The following ST6GALNAC3 variants were observed in gnomAD, a reference collection of about 807,000 sequenced individuals.
ST6GALNAC3 encodes the protein ST6 N-acetylgalactosaminide alpha-2,6-sialyltransferase 3, also known as alpha-N-acetylgalactosaminide alpha-2,6-sialyltransferase 3.
Under a neutral mutation model 32.7 loss-of-function variants are expected in ST6GALNAC3, and 25 were observed. The ratio of observed to expected loss-of-function variants is 0.76; its 90% confidence interval spans 0.56 to 1.07. The LOEUF is 1.07. ST6GALNAC3 is among the 50% of genes least tolerant of loss of function. The pLI, the probability that ST6GALNAC3 is intolerant of heterozygous loss-of-function variation, is 0.00. For synonymous variants in ST6GALNAC3, 129 were observed against 133.1 expected (o/e 0.97, Z 0.21); for missense variants, 355 against 382.4 (o/e 0.93, Z 0.60).
chr1:76,586,287 C>A (rs1646961600), intron 3 of ST6GALNAC3, among the ~76,000 whole-genome samples: 1 of 152,174 alleles, frequency 6.6e-6, no homozygotes, highest in African/African-American at 2.4e-5. Context: ...GACCTTCTTG[C>A]ACTGCGGAGT....
intron 3 of ST6GALNAC3, among the ~76,000 whole-genome samples, chr1:76,602,142 G>C (rs1028705505): frequency 1.3e-5 from 2 of 152,082 alleles, no homozygotes; most frequent in Non-Finnish European, 2.9e-5. Flanking sequence ...AAAACTGAGA[G>C]GCCTAACTAC....
In ST6GALNAC3 at chr1:76,209,729, G is replaced by T. The variant is rs370131238; in HGVS notation, c.19-104076G>T. Among the ~76,000 whole-genome samples, 6 of 152,310 alleles carry T rather than the reference G, an allele frequency of 3.9e-5. No individual in the cohort carries two copies. The East Asian group carries it at 1.2e-3, about 29-fold the overall frequency. On this transcript the variant is annotated intron_variant, in intron 1 of 4. Transcript: ENST00000328299. Reference sequence around the variant, plus strand: ...ATTGACATTTGCTAGCATTTTAAATGCTCAGGATGACTTATGAGGCTATGT... The same window carrying T: ...ATTGACATTTGCTAGCATTTTAAATTCTCAGGATGACTTATGAGGCTATGT...
chr1:76,516,613 C>T (rs1312921043), intron 3 of ST6GALNAC3, among the ~76,000 whole-genome samples: 1 of 151,874 alleles, frequency 6.6e-6, no homozygotes, highest in East Asian at 1.9e-4. Flanking sequence ...TCTGAGCTTG[C>T]TCTTTTCACC....
At chr1:76,094,356 T>C (rs1221564657) in intron 1 of ST6GALNAC3, among the ~76,000 whole-genome samples, 1 of 152,170 alleles carries the variant, frequency 6.6e-6, no homozygotes, top group Non-Finnish European at 1.5e-5. Context: ...GATTTATATA[T>C]CCCAAGGCAT....
intron 2 of ST6GALNAC3, among the ~76,000 whole-genome samples, chr1:76,359,762 T>C (rs1649780708): frequency 6.6e-6 from 1 of 152,180 alleles, no homozygotes; most frequent in Non-Finnish European, 1.5e-5. Context: ...AGGCTACTAA[T>C]ATAAGAGATG....
chr1:76,412,337 G>A lies in ST6GALNAC3; in HGVS notation c.543G>A (p.Pro181=), dbSNP rs577143409. The A allele has an allele frequency of 5.8e-5, 94 of 1,613,232 alleles. No homozygotes were observed. The highest frequency in any genetic ancestry group is 7.6e-5 in the Non-Finnish European group (90 of 1,179,702). ...TGAAAAAGACAGTTGGTATCTATCC[G>A]AATGCCCAAATATACGTGACCACAG... ...NMLKKTVGIY[P]NAQIYVTTEK... The change falls in exon 3 of 5, where the codon CCG becomes CCA. Residue 181 remains proline (P), a synonymous_variant. Transcript: ENST00000328299.
At chr1:76,291,144 T>C (rs1196185917) in intron 1 of ST6GALNAC3, among the ~76,000 whole-genome samples, 1 of 152,232 alleles carries the variant, frequency 6.6e-6, no homozygotes, top group African/African-American at 2.4e-5. Context: ...AATAAAGTGG[T>C]TCCTGGGGCC....
intron 1 of ST6GALNAC3, among the ~76,000 whole-genome samples, chr1:76,167,288 A>G (rs188498114): frequency 3.8e-4 from 58 of 152,294 alleles, no homozygotes; most frequent in South Asian, 2.1e-4. Context: ...TGTTTATATG[A>G]TGGCTCACAT....
rs57084222 is a variant in ST6GALNAC3 at position 76,357,866 on chromosome 1, G to GA, written c.213+43870dup. The stretch of plus-strand genomic sequence containing the variant: ...GGAGTGCCTCCAGATGAAGGTCCTA[G>GA]AAATGGTAAAATGTCATGAAATACC... On this transcript the variant is annotated intron_variant, in intron 2 of 4. Coordinates refer to ENST00000328299, the MANE Select transcript of ST6GALNAC3 (RefSeq NM_152996.4). Among the ~76,000 whole-genome samples the GA allele has an allele frequency of 6.8e-3, 1,035 of 152,240 alleles. 7 individuals are homozygous for GA. The highest frequency in any genetic ancestry group is 0.024 in the African/African-American group (1,012 of 41,538).
Position 76,630,212 on chromosome 1 carries a change from T to G in ST6GALNAC3, c.*1406T>G, listed in dbSNP as rs1446306864. On this transcript the variant is annotated 3_prime_UTR_variant, in exon 5 of 5. Transcript: ENST00000328299. ...TGTAAACTAGTAACCAGTTGATCTC[T>G]GTGCCAAATACATTATATCAGGATT... The G allele has an allele frequency of 6.1e-6, 6 of 985,144 alleles. No homozygotes were observed. Among genetic ancestry groups the G allele is most frequent in the Non-Finnish European group, 7.2e-6 (6 of 829,840 alleles). The allele number at this position is 985,144 out of a possible 1,614,324, so 61.0% of individuals were successfully genotyped here.
At chr1:76,261,215 A>G (rs1008332932) in intron 1 of ST6GALNAC3, among the ~76,000 whole-genome samples, 5 of 152,138 alleles carry the variant, frequency 3.3e-5, no homozygotes, top group Non-Finnish European at 7.4e-5. Context: ...CACTTCAAGT[A>G]TCTGTCTTTT....
At chr1:76,435,466 G>A (rs1319980679) in intron 3 of ST6GALNAC3, among the ~76,000 whole-genome samples, 1 of 152,092 alleles carries the variant, frequency 6.6e-6, no homozygotes, top group Admixed American at 6.5e-5. Flanking sequence ...TAGAGCAAAG[G>A]TTAAAGAAAG....
intron 3 of ST6GALNAC3, among the ~76,000 whole-genome samples, chr1:76,626,445 G>C (rs958344179): frequency 2.6e-5 from 4 of 151,942 alleles, no homozygotes; most frequent in African/African-American, 4.8e-5. Flanking sequence ...CAAATATGGA[G>C]ATCCAGCTTT....
At position 76,386,431 on chromosome 1, in the gene ST6GALNAC3, A is replaced by G. The variant is rs150286569; in HGVS notation, c.214-25577A>G. Among the ~76,000 whole-genome samples the G allele has an allele frequency of 2.3e-3, 354 of 152,284 alleles. 2 individuals carry two copies. Among genetic ancestry groups the G allele is most frequent in the African/African-American group, 8.1e-3 (338 of 41,566 alleles). On this transcript the variant is annotated intron_variant, in intron 2 of 4. Transcript: ENST00000328299. ...CATTCAGTAAATTATAGCAATTGCTATTATTGCGGTTGCTATTTTTATTTC... is the reference window on the plus strand; with the variant it reads ...CATTCAGTAAATTATAGCAATTGCTGTTATTGCGGTTGCTATTTTTATTTC...
At chr1:76,098,822 A>T (rs1029891275) in intron 1 of ST6GALNAC3, among the ~76,000 whole-genome samples, 3 of 152,110 alleles carry the variant, frequency 2.0e-5, no homozygotes, top group Non-Finnish European at 2.9e-5. Context: ...TAATTGTTAA[A>T]ATCCCTCCTT....
intron 3 of ST6GALNAC3, among the ~76,000 whole-genome samples, chr1:76,622,288 CA>C (rs1388181259): frequency 4.6e-5 from 7 of 151,988 alleles, no homozygotes; most frequent in African/African-American, 1.7e-4. Context: ...TCCCCCATTG[CA>C]GGCTAAGACT....
chr1:76,554,008 T>C (rs1161245804), intron 3 of ST6GALNAC3, among the ~76,000 whole-genome samples: 1 of 152,216 alleles, frequency 6.6e-6, no homozygotes, highest in African/African-American at 2.4e-5. Flanking sequence ...ATTTCAGAAA[T>C]TGATTAAAAC....
chr1:76,081,569 A>C (rs1646896812), intron 1 of ST6GALNAC3, among the ~76,000 whole-genome samples: 1 of 152,122 alleles, frequency 6.6e-6, no homozygotes, highest in South Asian at 2.1e-4. Flanking sequence ...TGTTCCTTTA[A>C]GTTTCCTTTG....
intron 2 of ST6GALNAC3, among the ~76,000 whole-genome samples, chr1:76,398,368 A>AT (rs1260435513): frequency 6.6e-6 from 1 of 152,138 alleles, no homozygotes; most frequent in Non-Finnish European, 1.5e-5. Flanking sequence ...TTATAAAACG[A>AT]TACATCAGTG....
Sources: allele counts gnomAD v4.1 joint callset (sites outside exome capture counted in the v4.1 genomes callset), GRCh38; gene constraint gnomAD v4.1.1; transcripts MANE v1.5; gene names NCBI Gene and HGNC (gene_info 2026-07-23, HGNC 2026-07-21).